Variants in CHRM3 observed in about 807,000 individuals in gnomAD.
CHRM3 encodes cholinergic receptor muscarinic 3.
Under a neutral mutation model 41.8 loss-of-function variants are expected in CHRM3, and 11 were observed. The ratio of observed to expected loss-of-function variants is 0.26; its 90% CI spans 0.17 to 0.44. The LOEUF (loss-of-function observed/expected upper bound fraction) is 0.44, where lower values mean the gene tolerates loss of function less well. CHRM3 is among the 20% of genes least tolerant of loss of function. The pLI is 1.00. For synonymous variants in CHRM3, 297 were observed against 301.4 expected (o/e 0.99, Z 0.15); for missense variants, 571 against 745.4 (o/e 0.77, Z 2.72).
chr1:239,521,425 T>A (rs1669631265), intron 2 of CHRM3, among the ~76,000 whole-genome samples: 1 of 152,236 alleles, frequency 6.6e-6, no homozygotes. Context: ...GGCAGCTTCC[T>A]TCCAGAATTA....
chr1:239,635,890 A>G (rs892407814), intron 4 of CHRM3, among the ~76,000 whole-genome samples: 10 of 152,192 alleles, frequency 6.6e-5, no homozygotes, highest in African/African-American at 2.2e-4. Flanking sequence ...TAAATATCTT[A>G]AAAGAAATTA....
chr1:239,820,959 A>G (rs1310912622), intron 5 of CHRM3, among the ~76,000 whole-genome samples: 1 of 152,154 alleles, frequency 6.6e-6, no homozygotes, highest in East Asian at 1.9e-4. Flanking sequence ...ATTGAGTGAA[A>G]TTTCTTTTTC....
intron 5 of CHRM3, among the ~76,000 whole-genome samples, chr1:239,793,097 A>G (rs562461959): frequency 6.6e-6 from 1 of 152,198 alleles, no homozygotes; most frequent in African/African-American, 2.4e-5. Context: ...GACTTTTCCC[A>G]GTGTTAGAAA....
intron 1 of CHRM3, among the ~76,000 whole-genome samples, chr1:239,466,242 G>T (rs950455111): frequency 1.3e-5 from 2 of 152,112 alleles, no homozygotes; most frequent in South Asian, 2.1e-4. Context: ...TGATCCACCT[G>T]CCTCGGCTTC....
At chr1:239,400,358 T>C (rs765410475) in intron 1 of CHRM3, among the ~76,000 whole-genome samples, 5 of 152,232 alleles carry the variant, frequency 3.3e-5, no homozygotes, top group Non-Finnish European at 7.3e-5. Context: ...TATTAATCCC[T>C]TGTCAGATGG....
chr1:239,712,692 C>T (rs1030791129), intron 5 of CHRM3, among the ~76,000 whole-genome samples: 12 of 152,186 alleles, frequency 7.9e-5, no homozygotes, highest in Non-Finnish European at 7.4e-5. Flanking sequence ...TAAATCTATT[C>T]GGTAAAGACT....
chr1:239,533,208 A>T (rs1657831200), intron 2 of CHRM3, among the ~76,000 whole-genome samples: 1 of 152,218 alleles, frequency 6.6e-6, no homozygotes, highest in African/African-American at 2.4e-5. Context: ...ATTGTAAAAC[A>T]CTATGCCAGC....
At chr1:239,769,897 A>C (rs1418170856) in intron 5 of CHRM3, among the ~76,000 whole-genome samples, 1 of 151,660 alleles carries the variant, frequency 6.6e-6, no homozygotes, top group Admixed American at 6.6e-5. Context: ...AAAAAAAATT[A>C]TTTGCGTTGG....
intron 1 of CHRM3, among the ~76,000 whole-genome samples, chr1:239,395,200 C>A (rs966284569): frequency 1.8e-4 from 28 of 152,046 alleles, no homozygotes; most frequent in African/African-American, 6.0e-4. Context: ...GGCTTTCCAG[C>A]AATTTCTCCC....
At chr1:239,491,308 T>C (rs921208628) in intron 1 of CHRM3, among the ~76,000 whole-genome samples, 10 of 152,204 alleles carry the variant, frequency 6.6e-5, no homozygotes, top group Non-Finnish European at 1.3e-4. Flanking sequence ...CTAGCTGCAC[T>C]TTTATATCTA....
At chr1:239,660,325 G>C (rs1673075151) in intron 4 of CHRM3, among the ~76,000 whole-genome samples, 1 of 151,966 alleles carries the variant, frequency 6.6e-6, no homozygotes, top group Admixed American at 6.6e-5. Context: ...TCCTCCAAAT[G>C]TTACTTTTAC....
chr1:239,780,719 G>A (rs1668449741), intron 5 of CHRM3, among the ~76,000 whole-genome samples: 1 of 151,990 alleles, frequency 6.6e-6, no homozygotes, highest in South Asian at 2.1e-4. Flanking sequence ...CCTTCGTTAC[G>A]TTCTAGAAGT....
chr1:239,396,188 C>T (rs1572148907), intron 1 of CHRM3, among the ~76,000 whole-genome samples: 1 of 152,228 alleles, frequency 6.6e-6, no homozygotes, highest in East Asian at 1.9e-4. Flanking sequence ...TACATTCACT[C>T]TTGGTTTTAG....
At position 239,464,201 on chromosome 1, in the gene CHRM3, A is replaced by G. The variant is rs557699314; in HGVS notation, c.-520-28508A>G. On this transcript the variant is annotated intron_variant, in intron 1 of 6. Transcript: ENST00000676153. Reference sequence around the variant, plus strand: ...AGGCTGAGGTATGAGAATCACTTGAACCCAGGAAGCAGCAGTTGCAGTGAA... The same window carrying G: ...AGGCTGAGGTATGAGAATCACTTGAGCCCAGGAAGCAGCAGTTGCAGTGAA... Among the ~76,000 whole-genome samples, 304 of 150,778 alleles carry G rather than the reference A, an allele frequency of 2.0e-3. 2 individuals are homozygous for G. Among genetic ancestry groups the G allele is most frequent in the Non-Finnish European group, 3.8e-3 (256 of 67,808 alleles).
chr1:239,578,721 T>C (rs1662596125), intron 3 of CHRM3, among the ~76,000 whole-genome samples: 1 of 152,148 alleles, frequency 6.6e-6, no homozygotes, highest in African/African-American at 2.4e-5. Flanking sequence ...TTCCCATGCT[T>C]GAACGAATGT....
intron 1 of CHRM3, among the ~76,000 whole-genome samples, chr1:239,394,043 A>T (rs1321972454): frequency 6.6e-6 from 1 of 152,192 alleles, no homozygotes; most frequent in African/African-American, 2.4e-5. Flanking sequence ...AGTACCATGG[A>T]CATTCTGTTT....
At chr1:239,605,141 G>A (rs1370025438) in intron 3 of CHRM3, among the ~76,000 whole-genome samples, 1 of 152,128 alleles carries the variant, frequency 6.6e-6, no homozygotes, top group Non-Finnish European at 1.5e-5. Flanking sequence ...TACACTGATT[G>A]CTAGGAAGAG....
At chr1:239,536,397 C>T (rs984405482) in intron 2 of CHRM3, among the ~76,000 whole-genome samples, 1 of 152,136 alleles carries the variant, frequency 6.6e-6, no homozygotes, top group African/African-American at 2.4e-5. Flanking sequence ...TCGTAGTCAT[C>T]CTTGATTGCT....
Position 239,843,447 on chromosome 1 carries a change from C to CT in CHRM3, c.-20+16092dup, listed in dbSNP as rs34901177. On this transcript the variant is annotated intron_variant, in intron 6 of 6. Coordinates refer to ENST00000676153, the MANE Select transcript of CHRM3 (RefSeq NM_001375978.1). ...CTCTCTTTTTATCTCACTCGCTTTC[C>CT]TTTTTTTTTTTTTTTTTTTTTTTGG... is the stretch of plus-strand genomic sequence containing the variant. Among the ~76,000 whole-genome samples, 299 of 81,216 alleles carry CT rather than the reference C, an allele frequency of 3.7e-3. 1 individual carries two copies. Among genetic ancestry groups the CT allele is most frequent in the African/African-American group, 9.0e-3 (197 of 21,776 alleles). The allele number at this position is 81,216 out of a possible 152,430, so 53.3% of individuals were successfully genotyped here. A position where few individuals can be genotyped will look rare whatever the true frequency, so the allele number is the denominator to read the frequency against.
Sources: allele counts gnomAD v4.1 joint callset (sites outside exome capture counted in the v4.1 genomes callset), GRCh38; gene constraint gnomAD v4.1.1; transcripts MANE v1.5; gene names NCBI Gene and HGNC (gene_info 2026-07-23, HGNC 2026-07-21).